Variants in PBX1 observed in about 807,000 individuals in gnomAD.
PBX1 encodes PBX homeobox 1.
Under a neutral mutation model 53.4 loss-of-function variants are expected in PBX1, and 6 were observed. The observed-to-expected ratio is 0.11, with a 90% CI of 0.06 to 0.22. PBX1 has a LOEUF of 0.22. Among genes scored for constraint, PBX1 ranks in the 10% least tolerant of loss-of-function variants. The pLI is 1.00. For missense variants in PBX1, 251 were observed against 551.4 expected (o/e 0.46, Z 5.46); for synonymous variants, 204 against 212.3 (o/e 0.96, Z 0.34).
chr1:164,846,979 T>A lies in PBX1; in HGVS notation c.*303T>A. The A allele has an allele frequency of 8.2e-7, 1 of 1,217,790 alleles. No homozygotes were observed. Among genetic ancestry groups the A allele is most frequent in the Non-Finnish European group, 1.0e-6 (1 of 971,984 alleles). The allele number at this position is 1,217,790 out of a possible 1,614,324, so 75.4% of individuals were successfully genotyped here. A position where few individuals can be genotyped will look rare whatever the true frequency, so the allele number is the denominator to read the frequency against. On this transcript the variant is annotated 3_prime_UTR_variant, in exon 9 of 9. Coordinates refer to ENST00000420696, the MANE Select transcript of PBX1 (RefSeq NM_002585.4). ...TCCTAGACTCCCGGGGTCCCCGCCCTCTCTCATATCACTGAAGGATATTTT... is the reference window on the plus strand; with the variant it reads ...TCCTAGACTCCCGGGGTCCCCGCCCACTCTCATATCACTGAAGGATATTTT...
chr1:164,683,480 C>T (rs1557939702), intron 2 of PBX1: 2 of 152,176 alleles, frequency 1.3e-5, no homozygotes, highest in Non-Finnish European at 2.9e-5. Context: ...AACTGAGGCT[C>T]CAGGAGGTTA....
chr1:164,629,371 C>A (rs1658261427), intron 2 of PBX1, among the ~76,000 whole-genome samples: 3 of 152,162 alleles, frequency 2.0e-5, no homozygotes. Flanking sequence ...TTGGAATTCC[C>A]TCACGGGCTC....
At position 164,653,409 on chromosome 1, in the gene PBX1, C is replaced by T. The variant is rs551738893; in HGVS notation, c.265+90098C>T. On this transcript the variant is annotated intron_variant, in intron 2 of 8. Transcript: ENST00000420696. ...ATGTAAGATACAATTTTTTTATAAG[C>T]GTTTTAGAGCACATGGGTGATGGCC... Among the ~76,000 whole-genome samples, 64 of 151,188 alleles carry T rather than the reference C, an allele frequency of 4.2e-4. 1 individual carries two copies. The highest frequency in any genetic ancestry group is 1.7e-3 in the South Asian group (8 of 4,796).
At chr1:164,712,297 T>C (rs1663842490) in intron 2 of PBX1, among the ~76,000 whole-genome samples, 1 of 152,124 alleles carries the variant, frequency 6.6e-6, no homozygotes, top group Admixed American at 6.5e-5. Flanking sequence ...ATCTTCTCTG[T>C]GTGGCCCATA....
intron 5 of PBX1, among the ~76,000 whole-genome samples, chr1:164,808,290 C>T (rs886764588): frequency 6.6e-5 from 10 of 152,070 alleles, no homozygotes; most frequent in African/African-American, 2.4e-4. Flanking sequence ...AGATACATGA[C>T]ATAAAATTTT....
intron 2 of PBX1, among the ~76,000 whole-genome samples, chr1:164,882,047 T>C (rs1020823898): frequency 2.0e-5 from 3 of 152,198 alleles, no homozygotes; most frequent in African/African-American, 4.8e-5. Context: ...GATTTACTCT[T>C]TTTCTGCCTA....
chr1:164,823,617 TG>T (rs10588514), intron 8 of PBX1, among the ~76,000 whole-genome samples: 2,262 of 45,916 alleles, frequency 0.049, 49 homozygotes, highest in African/African-American at 0.076. Flanking sequence ...CTCTGGGGGG[TG>T]GGGGGGGGGG....
intron 2 of PBX1, among the ~76,000 whole-genome samples, chr1:164,580,199 G>A (rs1654514096): frequency 6.6e-6 from 1 of 152,160 alleles, no homozygotes; most frequent in Non-Finnish European, 1.5e-5. Context: ...AACAAGTAAA[G>A]AGGATAAGTT....
intron 2 of PBX1, among the ~76,000 whole-genome samples, chr1:164,787,947 A>G (rs1668286561): frequency 6.6e-6 from 1 of 152,244 alleles, no homozygotes; most frequent in Non-Finnish European, 1.5e-5. Context: ...CACTGCAATC[A>G]ATGACATTTT....
chr1:164,701,210 A>G (rs1470403229), intron 2 of PBX1, among the ~76,000 whole-genome samples: 1 of 152,204 alleles, frequency 6.6e-6, no homozygotes, highest in Non-Finnish European at 1.5e-5. Flanking sequence ...GAAAGTTAGA[A>G]TGAGGCAGAG....
At chr1:164,633,453 C>T (rs1216992530) in intron 2 of PBX1, among the ~76,000 whole-genome samples, 1 of 152,164 alleles carries the variant, frequency 6.6e-6, no homozygotes, top group African/African-American at 2.4e-5. Flanking sequence ...CGCAGCCCCT[C>T]TCTCTCTTTA....
intron 2 of PBX1, among the ~76,000 whole-genome samples, chr1:164,877,993 C>T (rs1430727234): frequency 6.6e-6 from 1 of 152,322 alleles, no homozygotes; most frequent in East Asian, 1.9e-4. Flanking sequence ...ACTATATACT[C>T]TTTCTTGTCT....
chr1:164,561,309 T>C (rs1388726416), intron 1 of PBX1, among the ~76,000 whole-genome samples: 4 of 152,200 alleles, frequency 2.6e-5, no homozygotes, highest in Admixed American at 6.5e-5. Context: ...AACATAGATG[T>C]TATGAATTAT....
intron 2 of PBX1, among the ~76,000 whole-genome samples, chr1:164,739,223 G>A (rs573295464): frequency 6.6e-6 from 1 of 152,114 alleles, no homozygotes; most frequent in African/African-American, 2.4e-5. Flanking sequence ...ACGTACACTC[G>A]CCTGCGATCC....
chr1:164,868,018 T>C (rs999359779), intron 2 of PBX1, among the ~76,000 whole-genome samples: 1 of 152,150 alleles, frequency 6.6e-6, no homozygotes, highest in African/African-American at 2.4e-5. Flanking sequence ...TAATAAATAC[T>C]CATCTATTCT....
At chr1:164,562,525 T>G (rs1002659476) in intron 1 of PBX1, among the ~76,000 whole-genome samples, 1 of 149,480 alleles carries the variant, frequency 6.7e-6, no homozygotes, top group Non-Finnish European at 1.5e-5. Context: ...AAGACAAAAT[T>G]GCATTTATTT....
chr1:164,692,834 A>G (rs1215549670), intron 2 of PBX1, among the ~76,000 whole-genome samples: 2 of 152,246 alleles, frequency 1.3e-5, no homozygotes. Context: ...CGCCCTTTAA[A>G]TGGGCTGCAC....
At chr1:164,692,894 A>T (rs181912518) in intron 2 of PBX1, among the ~76,000 whole-genome samples, 1 of 152,322 alleles carries the variant, frequency 6.6e-6, no homozygotes, top group East Asian at 1.9e-4. Context: ...AATGTAAATA[A>T]CTTACCTAAG....
At chr1:164,763,719 G>C (rs1666922782) in intron 2 of PBX1, among the ~76,000 whole-genome samples, 1 of 152,218 alleles carries the variant, frequency 6.6e-6, no homozygotes, top group Admixed American at 6.5e-5. Context: ...AATGTTTGCT[G>C]TATTGGGTGT....
Sources: gnomAD v4.1 joint callset for allele counts (sites outside exome capture counted in the v4.1 genomes callset) on GRCh38, gnomAD v4.1.1 for gene constraint, MANE v1.5 for transcripts, NCBI Gene and HGNC (gene_info 2026-07-23, HGNC 2026-07-21) for gene names.